RGL1: variants seen among roughly 807,000 people sequenced by gnomAD.
The protein encoded by RGL1 is ral guanine nucleotide dissociation stimulator like 1, also known as ral guanine nucleotide dissociation stimulator-like 1.
A neutral mutation model predicts 95.2 loss-of-function variants in RGL1; 24 were observed. The observed-to-expected ratio is 0.25, with a 90% CI of 0.18 to 0.35. RGL1 has a LOEUF of 0.35. Among genes scored for constraint, RGL1 ranks in the 10% least tolerant of loss-of-function variants. The probability of loss-of-function intolerance (pLI) is 1.00; values close to 1 mark genes in which losing one functional copy is unlikely to be tolerated. For synonymous variants in RGL1, 329 were observed against 344.9 expected (o/e 0.95, Z 0.51); for missense variants, 715 against 936.3 (o/e 0.76, Z 3.08).
intron 4 of RGL1, among the ~76,000 whole-genome samples, chr1:183,873,674 A>G (rs1441942483): frequency 6.6e-6 from 1 of 152,162 alleles, no homozygotes; most frequent in Admixed American, 6.5e-5. Flanking sequence ...GTTGTGACTA[A>G]TGTTTTAGAT....
intron 2 of RGL1, among the ~76,000 whole-genome samples, chr1:183,772,895 G>C (rs919500978): frequency 2.0e-5 from 3 of 151,166 alleles, no homozygotes; most frequent in Non-Finnish European, 3.0e-5. Flanking sequence ...TGTAGTCCCA[G>C]CTACTGGGGA....
chr1:183,761,356 G>A (rs564726233), intron 2 of RGL1, among the ~76,000 whole-genome samples: 1 of 152,178 alleles, frequency 6.6e-6, no homozygotes, highest in Non-Finnish European at 1.5e-5. Context: ...GTGTTAGCAG[G>A]CATGAAAACA....
chr1:183,709,914 G>A (rs1421271067), intron 1 of RGL1: 2 of 153,522 alleles, frequency 1.3e-5, no homozygotes, highest in Non-Finnish European at 2.9e-5. Context: ...CCCATTCCTG[G>A]TTCCCACTCC....
At chr1:183,878,784 A>G (rs1314732084) in intron 4 of RGL1, among the ~76,000 whole-genome samples, 1 of 152,144 alleles carries the variant, frequency 6.6e-6, no homozygotes, top group Non-Finnish European at 1.5e-5. Flanking sequence ...TTTCAGTGAA[A>G]CACTGTCTTG....
chr1:183,699,328 C>A (rs1480867161), intron 1 of RGL1, among the ~76,000 whole-genome samples: 3 of 152,184 alleles, frequency 2.0e-5, no homozygotes, highest in Non-Finnish European at 4.4e-5. Flanking sequence ...CATCTACAGT[C>A]CTACATCAAG....
At chr1:183,795,177 T>C (rs1660635392) in intron 2 of RGL1, among the ~76,000 whole-genome samples, 1 of 152,188 alleles carries the variant, frequency 6.6e-6, no homozygotes, top group African/African-American at 2.4e-5. Flanking sequence ...CCACACTTAC[T>C]GAGTTTATAG....
chr1:183,790,079 C>A (rs2102375862), intron 2 of RGL1, among the ~76,000 whole-genome samples: 1 of 152,004 alleles, frequency 6.6e-6, no homozygotes, highest in South Asian at 2.1e-4. Flanking sequence ...CGCCACCACA[C>A]CCAGCTAATT....
At chr1:183,710,728 A>C (rs188209481) in intron 1 of RGL1, among the ~76,000 whole-genome samples, 9 of 152,178 alleles carry the variant, frequency 5.9e-5, no homozygotes, top group Admixed American at 2.0e-4. Context: ...ATCAGATCTC[A>C]TGAGAACTCC....
In RGL1 at chr1:183,724,530, T is replaced by C. The variant is rs1488438678; in HGVS notation, c.-32-17596T>C. ...GTGAACATCAGCAGTAGCCTGGCAGTACTCCTCACAGGCCTGTAGCAGTGG... is the reference window on the plus strand; with the variant it reads ...GTGAACATCAGCAGTAGCCTGGCAGCACTCCTCACAGGCCTGTAGCAGTGG... On this transcript the variant is annotated intron_variant, in intron 1 of 18. Coordinates refer to the RGL1 transcript ENST00000304685. This position sits in a 1 kb window ranked among gnomAD's most constrained non-coding sequence, Gnocchi z 4.1. 6.6e-6 allele frequency among the ~76,000 whole-genome samples: 1 copy of C among 152,146 alleles called. No individual in the cohort carries two copies. Among genetic ancestry groups the C allele is most frequent in the Non-Finnish European group, 1.5e-5 (1 of 68,030 alleles).
chr1:183,650,262 G>A (rs1401632253), intron 1 of RGL1, among the ~76,000 whole-genome samples: 4 of 138,980 alleles, frequency 2.9e-5, no homozygotes, highest in Admixed American at 6.8e-5. Flanking sequence ...AATAATATTC[G>A]GCCAGGCGTG....
At chr1:183,643,964 G>C (rs930643815) in intron 1 of RGL1, among the ~76,000 whole-genome samples, 2 of 152,126 alleles carry the variant, frequency 1.3e-5, no homozygotes, top group Non-Finnish European at 2.9e-5. Context: ...GGTCCTGGGC[G>C]ACAGGGGAGT....
intron 9 of RGL1, among the ~76,000 whole-genome samples, chr1:183,892,614 G>A (rs1316727463): frequency 6.6e-6 from 1 of 152,126 alleles, no homozygotes; most frequent in Admixed American, 6.6e-5. Context: ...CCAAGTAAGT[G>A]CTGACTTCTG....
intron 10 of RGL1, among the ~76,000 whole-genome samples, chr1:183,899,153 A>G (rs755729846): frequency 6.6e-6 from 1 of 152,264 alleles, no homozygotes; most frequent in African/African-American, 2.4e-5. Flanking sequence ...CTGCAAAGCT[A>G]GAAGTGCAGT....
chr1:183,892,198 A>G, intron 9 of RGL1, 37 bp downstream of exon 9: 2 of 1,411,972 alleles, frequency 1.4e-6, no homozygotes, highest in Non-Finnish European at 2.0e-6. Flanking sequence ...TAGTGCTGTT[A>G]ATAGCTCTGG....
At chr1:183,856,870 C>T (rs1665187342) in intron 3 of RGL1, among the ~76,000 whole-genome samples, 1 of 152,080 alleles carries the variant, frequency 6.6e-6, no homozygotes, top group Non-Finnish European at 1.5e-5. Context: ...AGGTCTCAGG[C>T]TCTTGCTGGC....
Position 183,746,204 on chromosome 1 carries a change from A to T in RGL1, c.132+3915A>T, listed in dbSNP as rs572534905. ...AACTGTTTCACCTACTATCTCTTTG[A>T]TTTCTTTCCCTGCAAAGGTACCCAT... On this transcript the variant is annotated intron_variant, in intron 2 of 18. Coordinates refer to the RGL1 transcript ENST00000304685. 2.6e-5 allele frequency among the ~76,000 whole-genome samples: 4 copies of T among 152,142 alleles called. No homozygotes were observed. In the East Asian group the frequency reaches 7.7e-4, roughly 29 times the overall value.
intron 1 of RGL1, among the ~76,000 whole-genome samples, chr1:183,711,515 T>C (rs1461731785): frequency 6.6e-6 from 1 of 152,138 alleles, no homozygotes; most frequent in East Asian, 1.9e-4. Flanking sequence ...TGAAATACTA[T>C]AGCCCACTCT....
At chr1:183,915,445 G>A (rs527761505) in intron 15 of RGL1, among the ~76,000 whole-genome samples, 1 of 152,310 alleles carries the variant, frequency 6.6e-6, no homozygotes, top group Non-Finnish European at 1.5e-5. Flanking sequence ...TTGCATGGAT[G>A]AGAAATGTGT....
intron 1 of RGL1, among the ~76,000 whole-genome samples, chr1:183,732,190 C>T (rs1656668249): frequency 6.6e-6 from 1 of 152,050 alleles, no homozygotes; most frequent in Non-Finnish European, 1.5e-5. Flanking sequence ...TGCTGTTGTG[C>T]TAAGGTGTCA....
Sources: allele counts gnomAD v4.1 joint callset (sites outside exome capture counted in the v4.1 genomes callset), GRCh38; gene constraint gnomAD v4.1.1; non-coding constraint Gnocchi (gnomAD v3.1); transcripts MANE v1.5; gene names NCBI Gene and HGNC (gene_info 2026-07-23, HGNC 2026-07-21).